Variants in RPH3A observed in about 807,000 individuals in gnomAD.
RPH3A encodes the protein rabphilin-3A.
In RPH3A, 48 loss-of-function variants were observed where a neutral mutation model predicts 102.2. The observed-to-expected ratio is 0.47, with a 90% CI of 0.37 to 0.60. RPH3A has a LOEUF of 0.60. Ranked by LOEUF, RPH3A falls within the 20% of genes least tolerant of loss-of-function variation. RPH3A has a pLI of 0.00. For missense variants in RPH3A, 781 were observed against 910.1 expected (o/e 0.86, Z 1.83); for synonymous variants, 310 against 324.3 (o/e 0.96, Z 0.47).
intron 1 of RPH3A, among the ~76,000 whole-genome samples, chr12:112,785,565 A>G (rs2041043174): frequency 6.6e-6 from 1 of 152,198 alleles, no homozygotes; most frequent in African/African-American, 2.4e-5. Flanking sequence ...GGCCATGATA[A>G]TGAATAAAGA....
chr12:112,741,623 GGAGA>G (rs959351341), intron 1 of RPH3A, among the ~76,000 whole-genome samples: 2 of 152,190 alleles, frequency 1.3e-5, no homozygotes, highest in Admixed American at 1.3e-4. Flanking sequence ...TCAGAAAGTT[GGAGA>G]GAGAGAGCTG....
intron 1 of RPH3A, among the ~76,000 whole-genome samples, chr12:112,699,285 TA>T (rs1485847766): frequency 6.6e-6 from 1 of 152,240 alleles, no homozygotes; most frequent in Non-Finnish European, 1.5e-5. Flanking sequence ...ACAATTAAAT[TA>T]TTTATCTAAG....
At chr12:112,597,751 C>T (rs1312296931) in intron 1 of RPH3A, among the ~76,000 whole-genome samples, 1 of 152,160 alleles carries the variant, frequency 6.6e-6, no homozygotes, top group Non-Finnish European at 1.5e-5. Flanking sequence ...CATCTGGTTG[C>T]CCTCTGAAGA....
At chr12:112,706,532 G>GAAACCCTGCCCC (rs1437168868) in intron 1 of RPH3A, among the ~76,000 whole-genome samples, 3 of 152,104 alleles carry the variant, frequency 2.0e-5, no homozygotes, top group Non-Finnish European at 4.4e-5. Flanking sequence ...TGCTTCTGGA[G>GAAACCCTGCCCC]AAACCCTGCC....
chr12:112,664,525 A>G (rs960176646), intron 1 of RPH3A, among the ~76,000 whole-genome samples: 1 of 152,164 alleles, frequency 6.6e-6, no homozygotes, highest in Non-Finnish European at 1.5e-5. Flanking sequence ...TCTCCTATAT[A>G]TAGTTTACTA....
intron 1 of RPH3A, among the ~76,000 whole-genome samples, chr12:112,648,597 A>AAAAAAAAAAAAAAAAC (rs1282209199): frequency 7.1e-6 from 1 of 141,292 alleles, no homozygotes. Flanking sequence ...AAAAAAAAAA[A>AAAAAAAAAAAAAAAAC]AGCTAGGTGT....
At chr12:112,754,847 C>T (rs564432536) in intron 1 of RPH3A, among the ~76,000 whole-genome samples, 3 of 152,300 alleles carry the variant, frequency 2.0e-5, no homozygotes, top group Non-Finnish European at 1.5e-5. Context: ...ACTAAAACCA[C>T]CCAGGACCTT....
chr12:112,897,775 GGCTTGGGCCAATGGCT>G lies in RPH3A; in HGVS notation c.*997_*1012del. The G allele has an allele frequency of 6.6e-6, 1 of 152,408 alleles. No homozygotes were observed. The highest frequency in any genetic ancestry group is 2.4e-5 in the African/African-American group (1 of 41,562). 9.4% of individuals were successfully genotyped at this position (152,408 alleles called of 1,614,324 possible). ...CGTTGGCAGAACCAGACATTCCCAG[GGCTTGGGCCAATGGCT>G]GGCACTGCCCTGAGTGCATGGCAGC... On this transcript the variant is annotated 3_prime_UTR_variant, in exon 22 of 22. Transcript: ENST00000389385.
At chr12:112,673,385 C>A (rs1345080148) in intron 1 of RPH3A, among the ~76,000 whole-genome samples, 1 of 151,982 alleles carries the variant, frequency 6.6e-6, no homozygotes, top group African/African-American at 2.4e-5. Flanking sequence ...GGCTGGTATA[C>A]AGTGGCATGA....
chr12:112,820,637 A>G (rs1416499779), intron 2 of RPH3A, among the ~76,000 whole-genome samples: 1 of 152,208 alleles, frequency 6.6e-6, no homozygotes, highest in South Asian at 2.1e-4. Flanking sequence ...ATGATGAAGT[A>G]GGTAGTGCTG....
intron 1 of RPH3A, among the ~76,000 whole-genome samples, chr12:112,765,516 G>GA (rs1332809151): frequency 1.3e-5 from 2 of 152,134 alleles, no homozygotes; most frequent in African/African-American, 4.8e-5. Context: ...GACCTGAGCT[G>GA]AAGTCCTGGA....
chr12:112,579,656 G>C (rs1025815670), intron 1 of RPH3A, among the ~76,000 whole-genome samples: 1 of 152,130 alleles, frequency 6.6e-6, no homozygotes, highest in Non-Finnish European at 1.5e-5. Context: ...TAAAATATTA[G>C]TTTCTGTTCC....
intron 5 of RPH3A, among the ~76,000 whole-genome samples, chr12:112,861,391 G>A (rs1452591311): frequency 6.6e-6 from 1 of 152,196 alleles, no homozygotes; most frequent in Non-Finnish European, 1.5e-5. Flanking sequence ...ACCAGCCAGG[G>A]TAACTGCATA....
chr12:112,667,708 GA>G, intron 1 of RPH3A, among the ~76,000 whole-genome samples: 1 of 131,164 alleles, frequency 7.6e-6, no homozygotes, highest in Middle Eastern at 3.6e-3. Flanking sequence ...GAGAGAGAGA[GA>G]GAGAGAGAGA....
intron 1 of RPH3A, among the ~76,000 whole-genome samples, chr12:112,717,785 T>C (rs369064098): frequency 7.9e-5 from 12 of 151,866 alleles, no homozygotes; most frequent in African/African-American, 2.9e-4. Flanking sequence ...ATGGTAAACA[T>C]ATGTTTAACT....
At chr12:112,847,942 C>A in intron 5 of RPH3A, 100 bp downstream of exon 5, 5 of 1,364,782 alleles carry the variant, frequency 3.7e-6, no homozygotes. Context: ...TGCTGGGCTG[C>A]CTCTGGGCTT....
chr12:112,891,532 T>G (rs901098967), intron 19 of RPH3A, among the ~76,000 whole-genome samples: 2 of 152,192 alleles, frequency 1.3e-5, no homozygotes, highest in Non-Finnish European at 2.9e-5. Flanking sequence ...AAGGGGTTTA[T>G]CAGGGGAAAT....
chr12:112,668,262 A>C (rs1212475993), intron 1 of RPH3A, among the ~76,000 whole-genome samples: 1 of 152,190 alleles, frequency 6.6e-6, no homozygotes, highest in Non-Finnish European at 1.5e-5. Flanking sequence ...TGAAATAAAT[A>C]AATCAAATTT....
intron 1 of RPH3A, among the ~76,000 whole-genome samples, chr12:112,635,573 G>A (rs1323312194): frequency 1.3e-5 from 2 of 152,078 alleles, no homozygotes; most frequent in Non-Finnish European, 2.9e-5. Context: ...ATGCCAAAGA[G>A]GCTTATGATT....
Sources: gnomAD v4.1 joint callset for allele counts (sites outside exome capture counted in the v4.1 genomes callset) on GRCh38, gnomAD v4.1.1 for gene constraint, MANE v1.5 for transcripts, NCBI Gene and HGNC (gene_info 2026-07-23, HGNC 2026-07-21) for gene names.